The following CNTN6 variants were observed in gnomAD, a reference collection of about 807,000 sequenced individuals.
The protein encoded by CNTN6 is contactin 6, also known as contactin-6.
CNTN6 carries 137 observed loss-of-function variants against 122.8 expected under a neutral mutation model. That is an observed-to-expected ratio of 1.12 (90% CI 0.97 to 1.29). CNTN6 has a LOEUF of 1.29. Among genes scored for constraint, CNTN6 ranks in the 50% most tolerant of loss-of-function variants. The pLI is 0.00. For missense variants in CNTN6, 1,634 were observed against 1,223.4 expected, an observed-to-expected ratio of 1.34 and a Z score of -5.01; for synonymous variants, 570 against 426.0, an observed-to-expected ratio of 1.34 and a Z score of -4.16.
intron 20 of CNTN6, among the ~76,000 whole-genome samples, chr3:1,388,392 C>T (rs7649282): frequency 0.015 from 2,100 of 144,462 alleles, 22 homozygotes; most frequent in Non-Finnish European, 0.023. Flanking sequence ...AAAGGACATC[C>T]ACACCAAAAA....
At chr3:1,245,229 T>TACACAC (rs1353980370) in intron 4 of CNTN6, among the ~76,000 whole-genome samples, 1 of 12,172 alleles carries the variant, frequency 8.2e-5, no homozygotes, top group African/African-American at 3.2e-4. Flanking sequence ...TATATATATA[T>TACACAC]ATATATACAC....
intron 2 of CNTN6, among the ~76,000 whole-genome samples, chr3:1,200,494 G>A (rs1307969693): frequency 1.3e-5 from 2 of 152,168 alleles, no homozygotes; most frequent in African/African-American, 4.8e-5. Flanking sequence ...AAGGAAGCCA[G>A]AGGCATTTGG....
At chr3:1,234,805 G>C (rs2094400883) in intron 4 of CNTN6, among the ~76,000 whole-genome samples, 1 of 152,084 alleles carries the variant, frequency 6.6e-6, no homozygotes, top group South Asian at 2.1e-4. Flanking sequence ...TTTGCAAATA[G>C]CATAAGCAAT....
intron 12 of CNTN6, among the ~76,000 whole-genome samples, chr3:1,361,567 C>A (rs1025838655): frequency 9.9e-5 from 15 of 152,186 alleles, no homozygotes; most frequent in African/African-American, 3.4e-4. Flanking sequence ...TAACTGACAG[C>A]AATTATCATA....
At chr3:1,344,780 C>T (rs1704414990) in intron 11 of CNTN6, among the ~76,000 whole-genome samples, 1 of 152,172 alleles carries the variant, frequency 6.6e-6, no homozygotes, top group Non-Finnish European at 1.5e-5. Flanking sequence ...ACAGTCCTTT[C>T]TATAAATTTT....
chr3:1,222,686 C>T (rs2094223999), intron 3 of CNTN6, among the ~76,000 whole-genome samples: 1 of 151,964 alleles, frequency 6.6e-6, no homozygotes, highest in Admixed American at 6.6e-5. Flanking sequence ...GCCCCCATAA[C>T]CTGGTTTGGC....
At chr3:1,401,703 GA>G (rs1695734035) in intron 21 of CNTN6, among the ~76,000 whole-genome samples, 158 bp downstream of exon 21, 1 of 151,912 alleles carries the variant, frequency 6.6e-6, no homozygotes, top group African/African-American at 2.4e-5. Context: ...ATTTTCCATT[GA>G]AAATGTTTTA....
At chr3:1,110,807 G>C (rs1385080772) in intron 1 of CNTN6, among the ~76,000 whole-genome samples, 1 of 152,130 alleles carries the variant, frequency 6.6e-6, no homozygotes, top group East Asian at 1.9e-4. Flanking sequence ...CTGATTTCAT[G>C]ACCTCTGCTG....
At chr3:1,192,072 G>C (rs181077544) in intron 2 of CNTN6, among the ~76,000 whole-genome samples, 12 of 152,002 alleles carry the variant, frequency 7.9e-5, no homozygotes, top group African/African-American at 2.9e-4. Context: ...AATCTGCCTC[G>C]TCCTTTTGAT....
chr3:1,178,819 G>A (rs2093501617), intron 2 of CNTN6, among the ~76,000 whole-genome samples: 1 of 152,104 alleles, frequency 6.6e-6, no homozygotes, highest in Admixed American at 6.6e-5. Flanking sequence ...ACTTCCTTTG[G>A]TTATACTTGT....
chr3:1,233,822 T>C (rs2125576970), intron 4 of CNTN6, among the ~76,000 whole-genome samples: 1 of 151,798 alleles, frequency 6.6e-6, no homozygotes, highest in East Asian at 1.9e-4. Flanking sequence ...ATGATATTAT[T>C]AATATTATCA....
At chr3:1,297,401 A>G (rs1029470941) in intron 6 of CNTN6, among the ~76,000 whole-genome samples, 1 of 152,166 alleles carries the variant, frequency 6.6e-6, no homozygotes, top group Non-Finnish European at 1.5e-5. Flanking sequence ...ATCTTGGCAC[A>G]TATCCCCAAT....
At chr3:1,219,781 T>C (rs2036234) in intron 2 of CNTN6, among the ~76,000 whole-genome samples, 51,842 of 151,886 alleles carry the variant, frequency 0.34, 9,805 homozygotes, top group East Asian at 0.49. Flanking sequence ...ATTGGGAGGC[T>C]GAGGTGAATG....
At chr3:1,099,303 T>C (rs930612258) in intron 1 of CNTN6, among the ~76,000 whole-genome samples, 39 of 151,236 alleles carry the variant, frequency 2.6e-4, no homozygotes, top group Non-Finnish European at 2.8e-4. Flanking sequence ...TACAAAAAAT[T>C]AGCAGGGTGT....
chr3:1,267,654 G>A (rs1201098530), intron 4 of CNTN6, among the ~76,000 whole-genome samples: 2 of 152,162 alleles, frequency 1.3e-5, no homozygotes, highest in African/African-American at 4.8e-5. Context: ...AGAGTTTATA[G>A]TGTCGAATCC....
At chr3:1,300,605 GA>G (rs1559756454) in intron 7 of CNTN6, among the ~76,000 whole-genome samples, 2 of 117,410 alleles carry the variant, frequency 1.7e-5, no homozygotes, top group East Asian at 1.9e-4. Context: ...AAGAAAGAAA[GA>G]GAGAAAGAAA....
intron 5 of CNTN6, among the ~76,000 whole-genome samples, chr3:1,289,586 T>C (rs73111162): frequency 0.057 from 8,729 of 152,116 alleles, 884 homozygotes; most frequent in African/African-American, 0.2. Context: ...TACAAGGTGG[T>C]CCACCATTCA....
At chr3:1,350,527 A>G (rs1559894460) in intron 11 of CNTN6, among the ~76,000 whole-genome samples, 3 of 151,870 alleles carry the variant, frequency 2.0e-5, no homozygotes, top group Non-Finnish European at 4.4e-5. Flanking sequence ...TTAGGATTTC[A>G]TAGAAATAAT....
intron 21 of CNTN6, 148 bp downstream of exon 21, chr3:1,401,693 A>G (rs1695731876): frequency 3.3e-6 from 2 of 605,692 alleles, no homozygotes; most frequent in South Asian, 4.2e-5. Context: ...CTGCTTTCTA[A>G]TTTTCCATTG....
Sources: gnomAD v4.1 joint callset for allele counts (sites outside exome capture counted in the v4.1 genomes callset) on GRCh38, gnomAD v4.1.1 for gene constraint, MANE v1.5 for transcripts, NCBI Gene and HGNC (gene_info 2026-07-23, HGNC 2026-07-21) for gene names.